NFIA: variants seen among roughly 807,000 people sequenced by gnomAD.
NFIA encodes nuclear factor 1 A-type.
Under a neutral mutation model 62.8 loss-of-function variants are expected in NFIA, and 8 were observed. The ratio of observed to expected loss-of-function variants is 0.13; its 90% CI spans 0.07 to 0.23. The LOEUF is 0.23. NFIA is among the 10% of genes least tolerant of loss of function. The probability of loss-of-function intolerance (pLI) is 1.00; values close to 1 mark genes in which losing one functional copy is unlikely to be tolerated. For missense variants in NFIA, 410 were observed against 642.1 expected, an observed-to-expected ratio of 0.64 and a Z score of 3.91; for synonymous variants, 235 against 238.1, an observed-to-expected ratio of 0.99 and a Z score of 0.12.
At chr1:61,397,929 GA>G (rs111313060) in intron 7 of NFIA, among the ~76,000 whole-genome samples, 3,144 of 152,300 alleles carry the variant, frequency 0.021, 107 homozygotes, top group African/African-American at 0.072. Context: ...GAGAGTTAAT[GA>G]GATATCAAAG....
In NFIA at chr1:61,138,841, C is replaced by G. The variant is rs188216994; in HGVS notation, c.559+50161C>G. The stretch of plus-strand genomic sequence containing the variant: ...AAGTCGTCCGCCCACCTCGGCCTCC[C>G]AAAGTGCTACTATTACGGGTGTGAG... On this transcript the variant is annotated intron_variant, in intron 2 of 10. Transcript: ENST00000403491. Among the ~76,000 whole-genome samples the G allele has an allele frequency of 7.8e-3, 1,180 of 151,910 alleles. 17 individuals carry two copies. Among genetic ancestry groups the G allele is most frequent in the African/African-American group, 0.026 (1,097 of 41,488 alleles).
At chr1:61,145,824 TTC>T (rs1647886320) in intron 2 of NFIA, among the ~76,000 whole-genome samples, 1 of 152,226 alleles carries the variant, frequency 6.6e-6, no homozygotes, top group African/African-American at 2.4e-5. Flanking sequence ...CTGTCACATT[TTC>T]TCTCTTCTCT....
intron 2 of NFIA, among the ~76,000 whole-genome samples, chr1:61,102,996 G>A (rs1241476531): frequency 6.6e-6 from 1 of 152,166 alleles, no homozygotes; most frequent in Admixed American, 6.5e-5. Flanking sequence ...CTTTAACAAT[G>A]TTGTGTGTCA....
Position 61,461,345 on chromosome 1 carries a change from T to C in NFIA, c.*6025T>C, listed in dbSNP as rs1383617476. 1 of 152,350 alleles carries C rather than the reference T, an allele frequency of 6.6e-6. No individual in the cohort carries two copies. The highest frequency in any genetic ancestry group is 1.9e-4 in the East Asian group (1 of 5,186). The allele number at this position is 152,350 out of a possible 1,614,324, so 9.4% of individuals were successfully genotyped here. A position where few individuals can be genotyped will look rare whatever the true frequency, so the allele number is the denominator to read the frequency against. ...TTAGTTTCATGCACAGTTGCAATATTTTCTTCAAAAATAAAACTCTGTACA... is the reference window on the plus strand; with the variant it reads ...TTAGTTTCATGCACAGTTGCAATATCTTCTTCAAAAATAAAACTCTGTACA... On this transcript the variant is annotated 3_prime_UTR_variant, in exon 11 of 11. Coordinates refer to ENST00000403491, the MANE Select transcript of NFIA (RefSeq NM_001134673.4).
At chr1:61,431,568 A>G (rs1169541112) in intron 10 of NFIA, among the ~76,000 whole-genome samples, 3 of 152,284 alleles carry the variant, frequency 2.0e-5, no homozygotes, top group Non-Finnish European at 4.4e-5. Flanking sequence ...TTTGTTGACA[A>G]AAAGGCACAG....
At chr1:61,142,017 T>C (rs1056435762) in intron 2 of NFIA, among the ~76,000 whole-genome samples, 6 of 152,162 alleles carry the variant, frequency 3.9e-5, no homozygotes, top group African/African-American at 4.8e-5. Context: ...AAGGTGCTAA[T>C]TGGTAAACAG....
At chr1:61,154,456 T>C (rs1570275567) in intron 2 of NFIA, among the ~76,000 whole-genome samples, 2 of 152,164 alleles carry the variant, frequency 1.3e-5, no homozygotes, top group East Asian at 1.9e-4. Context: ...ACACCCGGCC[T>C]TATTTTATTT....
chr1:61,302,524 CAT>C (rs766035071), intron 3 of NFIA, among the ~76,000 whole-genome samples: 6 of 152,022 alleles, frequency 3.9e-5, no homozygotes, highest in African/African-American at 7.2e-5. Flanking sequence ...CAAGAGAAAA[CAT>C]GTGGTGTGTG....
intron 10 of NFIA, among the ~76,000 whole-genome samples, chr1:61,440,510 A>G (rs762832637): frequency 2.0e-5 from 3 of 152,196 alleles, no homozygotes; most frequent in Admixed American, 2.0e-4. Flanking sequence ...GTGATAACGT[A>G]GAACGTTCTT....
intron 2 of NFIA, among the ~76,000 whole-genome samples, chr1:61,146,243 T>A (rs1053653344): frequency 2.0e-5 from 3 of 152,132 alleles, no homozygotes; most frequent in Non-Finnish European, 4.4e-5. Context: ...TAATCCAGGG[T>A]AATCTGTCTA....
At chr1:61,178,729 G>A (rs1263311167) in intron 2 of NFIA, among the ~76,000 whole-genome samples, 1 of 152,220 alleles carries the variant, frequency 6.6e-6, no homozygotes, top group Non-Finnish European at 1.5e-5. Context: ...AGTGGACCCC[G>A]AAGCCAGGCT....
chr1:61,193,523 T>C (rs1651785678), intron 2 of NFIA, among the ~76,000 whole-genome samples: 1 of 152,190 alleles, frequency 6.6e-6, no homozygotes, highest in African/African-American at 2.4e-5. Context: ...TAGTTTTTAA[T>C]GTATGGTAAA....
chr1:61,223,230 A>G (rs1048860089), intron 2 of NFIA, among the ~76,000 whole-genome samples: 2 of 152,114 alleles, frequency 1.3e-5, no homozygotes, highest in African/African-American at 4.8e-5. Context: ...ACCAAGAAGT[A>G]AATCATTTAT....
At chr1:61,155,478 C>T (rs1482739131) in intron 2 of NFIA, among the ~76,000 whole-genome samples, 1 of 150,498 alleles carries the variant, frequency 6.6e-6, no homozygotes, top group Non-Finnish European at 1.5e-5. Flanking sequence ...TCGAGACCAT[C>T]CTGGCTAACA....
At chr1:61,178,947 G>T (rs894147763) in intron 2 of NFIA, among the ~76,000 whole-genome samples, 1 of 152,216 alleles carries the variant, frequency 6.6e-6, no homozygotes. Context: ...GCACCTCCCT[G>T]ACAGACTGTA....
chr1:61,130,472 A>G (rs772906013), intron 2 of NFIA, among the ~76,000 whole-genome samples: 4 of 152,210 alleles, frequency 2.6e-5, no homozygotes, highest in Admixed American at 6.5e-5. Flanking sequence ...AGTAGAAAAG[A>G]CAGAATTTAT....
intron 2 of NFIA, among the ~76,000 whole-genome samples, chr1:61,171,686 C>A (rs1461663808): frequency 6.6e-6 from 1 of 152,166 alleles, no homozygotes; most frequent in Non-Finnish European, 1.5e-5. Flanking sequence ...CTGTGGCTAT[C>A]ATTCCTATGG....
At chr1:61,125,148 C>G (rs1158466789) in intron 2 of NFIA, 1 of 152,180 alleles carries the variant, frequency 6.6e-6, no homozygotes, top group Non-Finnish European at 1.5e-5. Context: ...TAAAACTATT[C>G]TAACTAAAGA....
At chr1:61,118,243 G>GGAAAAGAA (rs1194291137) in intron 2 of NFIA, among the ~76,000 whole-genome samples, 10 of 151,570 alleles carry the variant, frequency 6.6e-5, no homozygotes, top group Non-Finnish European at 1.5e-4. Flanking sequence ...GCTAAAGAAA[G>GGAAAAGAA]GAAAAGAATT....
Sources: gnomAD v4.1 joint callset for allele counts (sites outside exome capture counted in the v4.1 genomes callset) on GRCh38, gnomAD v4.1.1 for gene constraint, MANE v1.5 for transcripts, NCBI Gene and HGNC (gene_info 2026-07-23, HGNC 2026-07-21) for gene names.